Variants in DLG2 observed in about 807,000 individuals in gnomAD.
DLG2 encodes the protein disks large homolog 2.
Under a neutral mutation model 132.5 loss-of-function variants are expected in DLG2, and 45 were observed. The observed-to-expected ratio is 0.34, with a 90% CI of 0.27 to 0.44. DLG2 has a LOEUF of 0.44. Ranked by LOEUF, DLG2 falls within the 20% of genes least tolerant of loss-of-function variation. The probability of loss-of-function intolerance (pLI) is 1.00; values close to 1 mark genes in which losing one functional copy is unlikely to be tolerated. For synonymous variants in DLG2, 424 were observed against 419.6 expected (o/e 1.01, Z -0.13); for missense variants, 1,045 against 1,196.9 (o/e 0.87, Z 1.87).
At chr11:84,821,946 G>C (rs2077748856) in intron 6 of DLG2, among the ~76,000 whole-genome samples, 1 of 151,420 alleles carries the variant, frequency 6.6e-6, no homozygotes, top group African/African-American at 2.4e-5. Flanking sequence ...ATGACTATTT[G>C]ATGAAAAATT....
At chr11:85,281,831 A>G (rs970514611) in intron 4 of DLG2, among the ~76,000 whole-genome samples, 17 of 152,056 alleles carry the variant, frequency 1.1e-4, no homozygotes, top group Admixed American at 7.2e-4. Context: ...TAGAGCTGCC[A>G]TATGATTCAG....
chr11:85,623,731 C>T (rs1469519689), intron 2 of DLG2, among the ~76,000 whole-genome samples: 1 of 152,212 alleles, frequency 6.6e-6, no homozygotes, highest in African/African-American at 2.4e-5. Flanking sequence ...CTGCATTGTA[C>T]TAGAAAATTC....
At chr11:83,751,891 T>C (rs888462831) in intron 18 of DLG2, among the ~76,000 whole-genome samples, 5 of 152,222 alleles carry the variant, frequency 3.3e-5, no homozygotes, top group African/African-American at 9.6e-5. Flanking sequence ...AGATTTCAGA[T>C]AGCAATGGGA....
At chr11:85,360,229 T>C (rs953067318) in intron 3 of DLG2, among the ~76,000 whole-genome samples, 1 of 152,224 alleles carries the variant, frequency 6.6e-6, no homozygotes, top group African/African-American at 2.4e-5. Context: ...CAATACACTG[T>C]AACAACTGAG....
At chr11:83,462,506 T>A (rs928529725) in intron 26 of DLG2, among the ~76,000 whole-genome samples, 1 of 152,204 alleles carries the variant, frequency 6.6e-6, no homozygotes, top group African/African-American at 2.4e-5. Context: ...TTTCTAAATC[T>A]GAACTTTCCT....
chr11:85,209,707 T>C (rs1456331553), intron 4 of DLG2, among the ~76,000 whole-genome samples: 2 of 150,760 alleles, frequency 1.3e-5, no homozygotes, highest in South Asian at 2.1e-4. Context: ...CCCAAAGTTC[T>C]GGGATTATAG....
chr11:85,336,590 CA>C, intron 3 of DLG2: 2 of 158,010 alleles, frequency 1.3e-5, no homozygotes, highest in Non-Finnish European at 2.8e-5. Context: ...TCAGCAGGGG[CA>C]AAAGTGCTGG....
intron 19 of DLG2, among the ~76,000 whole-genome samples, chr11:83,562,966 CTTTTTTTT>C (rs527949325): frequency 7.4e-5 from 6 of 81,366 alleles, no homozygotes; most frequent in Admixed American, 1.5e-4. Context: ...TTCCCTAATT[CTTTTTTTT>C]TTTTTTTTTT....
In DLG2 at chr11:84,058,002, C is replaced by G. The variant is rs2096531328; in HGVS notation, c.919+1313G>C. On this transcript the variant is annotated intron_variant, in intron 11 of 27. Transcript: ENST00000376104. ...TCCTCATAAACCCTATGGATTGATGCTACCATTATGATCCCCATTTAATAA... is the reference window on the plus strand; with the variant it reads ...TCCTCATAAACCCTATGGATTGATGGTACCATTATGATCCCCATTTAATAA... 3.9e-5 allele frequency among the ~76,000 whole-genome samples: 6 copies of G among 152,192 alleles called. No individual in the cohort carries two copies. The South Asian group carries it at 1.2e-3, about 32-fold the overall frequency.
intron 19 of DLG2, among the ~76,000 whole-genome samples, chr11:83,554,090 C>T (rs2096462358): frequency 6.6e-6 from 1 of 151,874 alleles, no homozygotes; most frequent in Admixed American, 6.6e-5. Context: ...GCTTTGTTGG[C>T]CCAGGTTGGT....
In DLG2 at chr11:84,852,705, G is replaced by T. The variant is rs555099663; in HGVS notation, c.357+258956C>A. 8.6e-4 allele frequency among the ~76,000 whole-genome samples: 131 copies of T among 151,952 alleles called. 2 individuals carry two copies. The highest frequency in any genetic ancestry group is 3.1e-3 in the African/African-American group (127 of 41,478). On this transcript the variant is annotated intron_variant, in intron 6 of 27. Transcript: ENST00000376104. ...TCATTGTACCAAACATATGTTTATT[G>T]GGACAAATCAACTTCAAGAGTAAAA...
intron 7 of DLG2, among the ~76,000 whole-genome samples, chr11:84,410,861 T>C (rs919873831): frequency 6.6e-6 from 1 of 152,168 alleles, no homozygotes; most frequent in African/African-American, 2.4e-5. Flanking sequence ...ATTACAGGCA[T>C]GAGCCACCGC....
At chr11:83,830,785 T>C (rs981363279) in intron 17 of DLG2, among the ~76,000 whole-genome samples, 1 of 152,226 alleles carries the variant, frequency 6.6e-6, no homozygotes, top group African/African-American at 2.4e-5. Context: ...TCTTTTCTTC[T>C]GATCTGGAAA....
chr11:84,985,838 A>C (rs1313951015), intron 6 of DLG2, among the ~76,000 whole-genome samples: 2 of 151,798 alleles, frequency 1.3e-5, no homozygotes, highest in Admixed American at 6.6e-5. Context: ...ACAAAAATAC[A>C]AAAATTAGCA....
intron 3 of DLG2, among the ~76,000 whole-genome samples, chr11:85,309,256 A>G (rs1293443432): frequency 3.3e-5 from 5 of 152,128 alleles, no homozygotes; most frequent in Non-Finnish European, 5.9e-5. Context: ...CAACCAATCT[A>G]AGTCCAGCTC....
chr11:83,496,956 T>C (rs1005278428), intron 21 of DLG2, among the ~76,000 whole-genome samples: 5 of 152,216 alleles, frequency 3.3e-5, no homozygotes, highest in African/African-American at 9.6e-5. Context: ...ATTTTTAAGG[T>C]TATGCTTAGG....
At chr11:85,203,992 A>C (rs975742789) in intron 4 of DLG2, among the ~76,000 whole-genome samples, 5 of 152,114 alleles carry the variant, frequency 3.3e-5, no homozygotes, top group Non-Finnish European at 7.4e-5. Context: ...ACATCTCTTT[A>C]TGATAAGAAC....
intron 18 of DLG2, among the ~76,000 whole-genome samples, chr11:83,738,933 G>C (rs963188550): frequency 6.6e-6 from 1 of 152,126 alleles, no homozygotes; most frequent in Non-Finnish European, 1.5e-5. Context: ...CCTACTGTTG[G>C]TGACAGTGAA....
chr11:83,976,152 G>A (rs1018152318), intron 12 of DLG2, among the ~76,000 whole-genome samples: 3 of 151,886 alleles, frequency 2.0e-5, no homozygotes, highest in African/African-American at 7.2e-5. Context: ...AAGAGTTATT[G>A]TTATTACTAA....
Sources: gnomAD v4.1 joint callset for allele counts (sites outside exome capture counted in the v4.1 genomes callset) on GRCh38, gnomAD v4.1.1 for gene constraint, MANE v1.5 for transcripts, NCBI Gene and HGNC (gene_info 2026-07-23, HGNC 2026-07-21) for gene names.